NPHP4: variants seen among roughly 807,000 people sequenced by gnomAD.
NPHP4 encodes nephrocystin 4.
NPHP4 carries 151 observed loss-of-function variants against 155.8 expected under a neutral mutation model. That is an observed-to-expected ratio of 0.97 (90% CI 0.85 to 1.11). NPHP4 has a LOEUF of 1.11. NPHP4 is among the 50% of genes least tolerant of loss of function. The pLI is 0.00. For missense variants in NPHP4, 1,956 were observed against 1,925.7 expected, an observed-to-expected ratio of 1.02 and a Z score of -0.29; for synonymous variants, 845 against 816.8, an observed-to-expected ratio of 1.03 and a Z score of -0.59.
In NPHP4 at chr1:5,880,175, G is replaced by C. The variant is rs1172681196; in HGVS notation, c.2550C>G (p.Ile850Met). 6.2e-7 allele frequency: 1 copy of C among 1,613,678 alleles called. No homozygotes were observed. Among genetic ancestry groups the C allele is most frequent in the Non-Finnish European group, 8.5e-7 (1 of 1,179,754 alleles). Residue 850 changes from isoleucine (I) to methionine (M), a missense_variant, in exon 19 of 30, where the codon ATC (isoleucine) becomes ATG (methionine). Ile to Met is a conservative substitution (Grantham distance 10). Transcript: ENST00000378156. The part of the protein sequence containing the change: ...STLPPSRSRV[I>M]SNDGASRFSG... ...AGAAGCGGCTGGCTCCATCGTTTGA[G>C]ATGACCCGAGATCTGGACGGTGGCA...
At position 5,863,950 on chromosome 1, in the gene NPHP4, C is replaced by T. The variant is rs755937381; in HGVS notation, c.4080G>A (p.Arg1360=). The T allele has an allele frequency of 9.3e-6, 15 of 1,613,830 alleles. No individual in the cohort carries two copies. In the Admixed American group the frequency reaches 2.0e-4, roughly 22 times the overall value. Residue 1360 remains arginine (R), a synonymous_variant, in exon 29 of 30, where the codon AGG becomes AGA. Transcript: ENST00000378156. ...GGTGGTCGCTGTGCAGGTGGAATGT[C>T]CTCCGGGAGGGGTAGGGGTTGGTGT... ...ITYTNPYPSR[R]TFHLHSDHPE...
intron 16 of NPHP4, among the ~76,000 whole-genome samples, chr1:5,893,814 T>C (rs1166608762): frequency 6.6e-5 from 10 of 152,210 alleles, no homozygotes; most frequent in Non-Finnish European, 1.2e-4. Context: ...ATGGTCCGCC[T>C]GGCAACGGGC....
At chr1:5,915,613 G>A (rs1645431125) in intron 11 of NPHP4, among the ~76,000 whole-genome samples, 1 of 152,178 alleles carries the variant, frequency 6.6e-6, no homozygotes, top group Admixed American at 6.5e-5. Flanking sequence ...GCCCAGGACT[G>A]CAGGAGTCCA....
intron 12 of NPHP4, 140 bp downstream of exon 12, chr1:5,909,012 A>C: frequency 1.4e-6 from 1 of 739,022 alleles, no homozygotes; most frequent in Non-Finnish European, 2.4e-6. Flanking sequence ...AGGAGGGGAC[A>C]GCCCCGCCGC....
Position 5,874,857 on chromosome 1 carries a change from C to T in NPHP4, c.3044+17G>A, listed in dbSNP as rs201195963. ...CAGATCTGGGCTGGGGCAGGACGGGCACCACTGAGACCTCACCTGAGCTCG... is the reference window on the plus strand; with the variant it reads ...CAGATCTGGGCTGGGGCAGGACGGGTACCACTGAGACCTCACCTGAGCTCG... On this transcript the variant is annotated intron_variant, in intron 21 of 29. Coordinates refer to ENST00000378156, the MANE Select transcript of NPHP4 (RefSeq NM_015102.5). The T allele has an allele frequency of 1.4e-5, 23 of 1,607,898 alleles. No homozygotes were observed. Among genetic ancestry groups the T allele is most frequent in the Non-Finnish European group, 1.8e-5 (21 of 1,174,768 alleles).
chr1:5,898,560 C>T (rs1297603943), intron 16 of NPHP4, among the ~76,000 whole-genome samples: 1 of 152,240 alleles, frequency 6.6e-6, no homozygotes, highest in Non-Finnish European at 1.5e-5. Context: ...TCAGATGCCG[C>T]TCTCTGAGTG....
chr1:5,932,072 CA>C (rs148760470), intron 10 of NPHP4, among the ~76,000 whole-genome samples: 390 of 141,146 alleles, frequency 2.8e-3, no homozygotes, highest in Middle Eastern at 3.6e-3. Flanking sequence ...GACCCTGTCT[CA>C]AAAAAAAAAA....
intron 7 of NPHP4, among the ~76,000 whole-genome samples, chr1:5,951,456 C>T (rs911100640): frequency 6.6e-6 from 1 of 152,232 alleles, no homozygotes; most frequent in Non-Finnish European, 1.5e-5. Flanking sequence ...TTGCCCACAA[C>T]CCAGGTCTGA....
rs768894591 is a variant in NPHP4 at position 5,947,137 on chromosome 1, GT to G, written c.1085del (p.Tyr362SerfsTer44). ...PAFAVIFQLE[Y>X]VFSSPAGVDG... ...CCACTCCTGCAGGGCTGCTGAACAC[GT>G]ACTCCAGCTGGAAGATGACCGCAAA... On this transcript the variant is annotated frameshift_variant, in exon 9 of 30. Transcript: ENST00000378156. LOFTEE classifies it high-confidence loss of function. 1 of 1,613,948 alleles carries G rather than the reference GT, an allele frequency of 6.2e-7. No individual in the cohort carries two copies. Among genetic ancestry groups the G allele is most frequent in the South Asian group, 1.1e-5 (1 of 91,084 alleles).
chr1:5,864,896 G>A (rs565822940), intron 27 of NPHP4: 3 of 571,848 alleles, frequency 5.2e-6, no homozygotes, highest in East Asian at 2.8e-5. Flanking sequence ...ACCGGCCTTT[G>A]GGGTTGGTGT....
At chr1:5,883,872 T>A (rs1643530095) in intron 18 of NPHP4, among the ~76,000 whole-genome samples, 1 of 144,774 alleles carries the variant, frequency 6.9e-6, no homozygotes, top group Non-Finnish European at 1.5e-5. Context: ...CAAGGCCAAC[T>A]GGGCCTGGGG....
In NPHP4 at chr1:5,907,179, T is replaced by C; in HGVS notation, c.1547A>G (p.Gln516Arg). Residue 516 changes from glutamine (Q) to arginine (R), a missense_variant, in exon 13 of 30, where the codon CAG becomes CGG. Physicochemically the swap from Gln to Arg is conservative, Grantham distance 43. Transcript: ENST00000378156. ...TGAAGTAGGCCTGGCCAAGCAGTGC[T>C]GAGTCGGGGACCGCGGGGAGGCCGC... ...QLAASPRSPT[Q>R]HCLARPTSQL... 1 of 1,592,026 alleles carries C rather than the reference T, an allele frequency of 6.3e-7. No individual in the cohort carries two copies. Among genetic ancestry groups the C allele is most frequent in the Non-Finnish European group, 8.6e-7 (1 of 1,168,978 alleles).
In NPHP4 at chr1:5,910,152, A is replaced by G. The variant is rs913187076; in HGVS notation, c.1442-939T>C. Among the ~76,000 whole-genome samples, 5 of 152,114 alleles carry G rather than the reference A, an allele frequency of 3.3e-5. No individual in the cohort carries two copies. The highest frequency in any genetic ancestry group is 1.3e-4 in the Admixed American group (2 of 15,280). The stretch of plus-strand genomic sequence containing the variant: ...TTGCCCACCATGAAACCACCAAGCC[A>G]GACCCCAAGCCCATCCTGACGGGGC... On this transcript the variant is annotated intron_variant, in intron 11 of 29. Transcript: ENST00000378156. This position sits in a 1 kb window ranked among gnomAD's most constrained non-coding sequence, Gnocchi z 5.4.
At chr1:5,961,981 T>G (rs115895668) in intron 5 of NPHP4, 32 bp from the exon 6 acceptor site, 8 of 1,567,928 alleles carry the variant, frequency 5.1e-6, no homozygotes, top group Non-Finnish European at 6.1e-6. Context: ...GATCAACTGA[T>G]AGCTGAAAGC....
At chr1:5,937,966 G>A (rs1646630762) in intron 9 of NPHP4, among the ~76,000 whole-genome samples, 1 of 152,226 alleles carries the variant, frequency 6.6e-6, no homozygotes, top group South Asian at 2.1e-4. Context: ...AGCCACAGCA[G>A]GGACAGGGCT....
At chr1:5,874,706 C>A in intron 21 of NPHP4, 49 bp from the exon 22 acceptor site, 1 of 1,587,162 alleles carries the variant, frequency 6.3e-7, no homozygotes, top group Non-Finnish European at 8.6e-7. Flanking sequence ...CCAGGAGGAC[C>A]CACAGGAGGC....
At chr1:5,950,117 T>A (rs1647685812) in intron 7 of NPHP4, among the ~76,000 whole-genome samples, 1 of 152,198 alleles carries the variant, frequency 6.6e-6, no homozygotes, top group South Asian at 2.1e-4. Flanking sequence ...ACACTTCATC[T>A]TACCCAAAAG....
chr1:5,958,686 C>A (rs1158440453), intron 6 of NPHP4, among the ~76,000 whole-genome samples: 1 of 143,224 alleles, frequency 7.0e-6, no homozygotes, highest in African/African-American at 2.6e-5. Flanking sequence ...CAGAGCAAGA[C>A]TGTCTCAAAA....
intron 8 of NPHP4, among the ~76,000 whole-genome samples, 199 bp downstream of exon 8, chr1:5,947,871 A>G (rs554129544): frequency 1.5e-4 from 22 of 150,468 alleles, no homozygotes; most frequent in Non-Finnish European, 2.6e-4. Flanking sequence ...CAGAGCACAA[A>G]AGGAAAAAAA....
Sources: allele counts gnomAD v4.1 joint callset (sites outside exome capture counted in the v4.1 genomes callset), GRCh38; gene constraint gnomAD v4.1.1; non-coding constraint Gnocchi (gnomAD v3.1); transcripts MANE v1.5; gene names NCBI Gene and HGNC (gene_info 2026-07-23, HGNC 2026-07-21).